MRPS28: variants seen among roughly 807,000 people sequenced by gnomAD.
The protein encoded by MRPS28 is small ribosomal subunit protein bS1m.
Under a neutral mutation model 10.8 loss-of-function variants are expected in MRPS28, and 7 were observed. The ratio of observed to expected loss-of-function variants is 0.65; its 90% CI spans 0.37 to 1.22. The LOEUF (loss-of-function observed/expected upper bound fraction) is 1.22, where lower values mean the gene tolerates loss of function less well. Ranked by LOEUF, MRPS28 falls within the 50% of genes most tolerant of loss-of-function variation. The pLI, the probability that MRPS28 is intolerant of heterozygous loss-of-function variation, is 0.02. For missense variants in MRPS28, 265 were observed against 232.9 expected, an observed-to-expected ratio of 1.14 and a Z score of -0.90; for synonymous variants, 121 against 93.3, an observed-to-expected ratio of 1.30 and a Z score of -1.71.
intron 2 of MRPS28, among the ~76,000 whole-genome samples, chr8:79,926,160 A>C (rs1036937060): frequency 6.6e-6 from 1 of 152,182 alleles, no homozygotes; most frequent in African/African-American, 2.4e-5. Flanking sequence ...CCAAAGAAAC[A>C]GAAGGAGTAA....
intron 1 of MRPS28, among the ~76,000 whole-genome samples, chr8:80,009,325 A>G (rs1808960183): frequency 6.6e-6 from 1 of 152,148 alleles, no homozygotes; most frequent in African/African-American, 2.4e-5. Flanking sequence ...TGCCTAATGT[A>G]AATGACGAGT....
chr8:80,012,055 T>C (rs1276579636), intron 1 of MRPS28, among the ~76,000 whole-genome samples: 1 of 152,172 alleles, frequency 6.6e-6, no homozygotes, highest in Non-Finnish European at 1.5e-5. Flanking sequence ...TATTACATTA[T>C]AAACTTTATA....
intron 2 of MRPS28, among the ~76,000 whole-genome samples, chr8:79,990,863 C>T (rs1447027834): frequency 2.6e-5 from 4 of 151,474 alleles, no homozygotes; most frequent in Admixed American, 6.6e-5. Context: ...GCATGGCGCG[C>T]GCCTGTAGTC....
At chr8:79,955,392 T>C (rs960260249) in intron 2 of MRPS28, among the ~76,000 whole-genome samples, 4 of 152,200 alleles carry the variant, frequency 2.6e-5, no homozygotes, top group Non-Finnish European at 5.9e-5. Flanking sequence ...TGCGTGGATA[T>C]CTCCTTAGCT....
chr8:79,979,930 A>AAG (rs1264788452), intron 2 of MRPS28, among the ~76,000 whole-genome samples: 1 of 141,330 alleles, frequency 7.1e-6, no homozygotes, highest in Non-Finnish European at 1.6e-5. Context: ...AAAAAAAAAA[A>AAG]AAAAAAAAAA....
intron 2 of MRPS28, among the ~76,000 whole-genome samples, chr8:79,995,229 A>C (rs751059051): frequency 3.7e-4 from 57 of 152,202 alleles, no homozygotes; most frequent in Non-Finnish European, 7.6e-4. Context: ...TTGGTGACTC[A>C]ATGAAAAATC....
chr8:80,006,655 A>G (rs1563540738), intron 1 of MRPS28, among the ~76,000 whole-genome samples: 1 of 152,220 alleles, frequency 6.6e-6, no homozygotes, highest in East Asian at 1.9e-4. Flanking sequence ...CTACGCAAAT[A>G]AACTAGAAAA....
intron 2 of MRPS28, among the ~76,000 whole-genome samples, chr8:79,950,598 G>C (rs770871286): frequency 6.6e-6 from 1 of 152,056 alleles, no homozygotes; most frequent in Non-Finnish European, 1.5e-5. Context: ...CCTTCGGATA[G>C]ATGACTAGAA....
intron 2 of MRPS28, among the ~76,000 whole-genome samples, chr8:79,934,128 A>T (rs1228790351): frequency 6.6e-6 from 1 of 152,230 alleles, no homozygotes; most frequent in Non-Finnish European, 1.5e-5. Context: ...AGATTGAAGG[A>T]AATAAAAGAG....
At chr8:79,982,479 G>C (rs537375400) in intron 2 of MRPS28, among the ~76,000 whole-genome samples, 15 of 152,166 alleles carry the variant, frequency 9.9e-5, no homozygotes, top group African/African-American at 3.1e-4. Flanking sequence ...CACTCGGGAA[G>C]CACAAGGGGT....
intron 1 of MRPS28, among the ~76,000 whole-genome samples, chr8:80,020,900 TTTG>T (rs1413777254): frequency 6.6e-6 from 1 of 151,962 alleles, no homozygotes; most frequent in African/African-American, 2.4e-5. Flanking sequence ...GGAATTTCTA[TTTG>T]TTTTTTTTAA....
intron 2 of MRPS28, among the ~76,000 whole-genome samples, chr8:79,981,013 T>A (rs1457482783): frequency 1.3e-5 from 2 of 152,152 alleles, no homozygotes; most frequent in African/African-American, 4.8e-5. Context: ...TTCAGTGAAA[T>A]AAATGAAACA....
At chr8:79,979,915 C>CA (rs61633169) in intron 2 of MRPS28, among the ~76,000 whole-genome samples, 2,744 of 31,280 alleles carry the variant, frequency 0.088, 1,096 homozygotes, top group East Asian at 0.13. Flanking sequence ...GATTCTCACG[C>CA]AAAAAAAAAA....
chr8:80,027,065 T>A (rs1809510778), intron 1 of MRPS28, among the ~76,000 whole-genome samples: 1 of 151,318 alleles, frequency 6.6e-6, no homozygotes, highest in African/African-American at 2.4e-5. Context: ...TTACAAGAGA[T>A]GAATCTACAC....
intron 2 of MRPS28, among the ~76,000 whole-genome samples, chr8:79,963,899 G>A (rs1056093612): frequency 6.6e-6 from 1 of 152,054 alleles, no homozygotes; most frequent in African/African-American, 2.4e-5. Flanking sequence ...GTCACTAGAT[G>A]AAACTCTCCT....
intron 2 of MRPS28, among the ~76,000 whole-genome samples, chr8:79,994,108 C>T (rs980190546): frequency 3.3e-5 from 5 of 152,122 alleles, no homozygotes; most frequent in Non-Finnish European, 5.9e-5. Context: ...CATTAGTAAA[C>T]GGACTTTACT....
intron 2 of MRPS28, among the ~76,000 whole-genome samples, chr8:79,945,201 T>G (rs920584859): frequency 1.3e-5 from 2 of 152,212 alleles, no homozygotes; most frequent in African/African-American, 2.4e-5. Context: ...TTTGGATATC[T>G]GTTATAATTT....
chr8:80,023,045 G>T (rs149862164), intron 1 of MRPS28, among the ~76,000 whole-genome samples: 1 of 152,140 alleles, frequency 6.6e-6, no homozygotes, highest in Non-Finnish European at 1.5e-5. Flanking sequence ...TTTCCCCAGA[G>T]AATTCTATGT....
chr8:79,920,110 G>A (rs1361561384), intron 2 of MRPS28, among the ~76,000 whole-genome samples: 1 of 152,068 alleles, frequency 6.6e-6, no homozygotes, highest in Admixed American at 6.5e-5. Context: ...TCCCTACAAA[G>A]GACATGAACT....
Sources: gnomAD v4.1 joint callset for allele counts (sites outside exome capture counted in the v4.1 genomes callset) on GRCh38, gnomAD v4.1.1 for gene constraint, MANE v1.5 for transcripts, NCBI Gene and HGNC (gene_info 2026-07-23, HGNC 2026-07-21) for gene names.